The following MAD1L1 variants were observed in gnomAD, a reference collection of about 807,000 sequenced individuals.
MAD1L1 encodes mitotic spindle assembly checkpoint protein MAD1.
MAD1L1 carries 95 observed loss-of-function variants against 96.9 expected under a neutral mutation model. The observed-to-expected ratio is 0.98, with a 90% CI of 0.83 to 1.16. The LOEUF (loss-of-function observed/expected upper bound fraction) is 1.16, where lower values mean the gene tolerates loss of function less well. Ranked by LOEUF, MAD1L1 falls within the 50% of genes most tolerant of loss-of-function variation. The pLI is 0.00. For synonymous variants in MAD1L1, 473 were observed against 396.6 expected, an observed-to-expected ratio of 1.19 and a Z score of -2.29; for missense variants, 1,007 against 954.4, an observed-to-expected ratio of 1.06 and a Z score of -0.73.
chr7:1,949,692 T>C lies in MAD1L1; in HGVS notation c.1596+7937A>G, dbSNP rs527438370. ...CTCTAAAAAGCTGCTCTCATCCGTTTCTCTGCAGATACGCCCAGGAACCAA... is the reference window on the plus strand; with the variant it reads ...CTCTAAAAAGCTGCTCTCATCCGTTCCTCTGCAGATACGCCCAGGAACCAA... On this transcript the variant is annotated intron_variant, in intron 16 of 18. Transcript: ENST00000265854. Among the ~76,000 whole-genome samples, 58 of 152,300 alleles carry C rather than the reference T, an allele frequency of 3.8e-4. 2 individuals carry two copies. The South Asian group carries it at 0.012, about 32-fold the overall frequency.
At chr7:1,924,839 C>A (rs778108169) in intron 17 of MAD1L1, among the ~76,000 whole-genome samples, 1 of 152,036 alleles carries the variant, frequency 6.6e-6, no homozygotes, top group African/African-American at 2.4e-5. Flanking sequence ...GAGAAGCCTA[C>A]GTCGTGGTGA....
At chr7:1,936,202 C>G (rs1778589107) in intron 17 of MAD1L1, among the ~76,000 whole-genome samples, 1 of 152,216 alleles carries the variant, frequency 6.6e-6, no homozygotes, top group Non-Finnish European at 1.5e-5. Flanking sequence ...TTCCAAAGGC[C>G]GTGGGCCTCA....
intron 17 of MAD1L1, among the ~76,000 whole-genome samples, chr7:1,915,447 G>A (rs536185291): frequency 1.9e-4 from 29 of 152,144 alleles, no homozygotes; most frequent in Non-Finnish European, 3.2e-4. Flanking sequence ...AGGGGACGGC[G>A]CAGGCAGAGG....
At chr7:1,825,037 G>A (rs1005585567) in intron 18 of MAD1L1, among the ~76,000 whole-genome samples, 12 of 152,208 alleles carry the variant, frequency 7.9e-5, no homozygotes, top group African/African-American at 2.9e-4. Context: ...TTAACTCGGA[G>A]TGCTGGGACG....
Position 2,222,370 on chromosome 7 carries a change from G to T in MAD1L1, c.471+205C>A, listed in dbSNP as rs118057712. Among the ~76,000 whole-genome samples, 511 of 152,274 alleles carry T rather than the reference G, an allele frequency of 3.4e-3. 3 individuals carry two copies. Among genetic ancestry groups the T allele is most frequent in the African/African-American group, 0.012 (482 of 41,548 alleles). On this transcript the variant is annotated intron_variant, in intron 5 of 18. Coordinates refer to ENST00000265854, the MANE Select transcript of MAD1L1 (RefSeq NM_001013836.2). Reference sequence around the variant, plus strand: ...GCTGGGATTACAGGCGTGAGCCACCGCGCCCGGCCCAAAGTCTCAACTTTT... The same window carrying T: ...GCTGGGATTACAGGCGTGAGCCACCTCGCCCGGCCCAAAGTCTCAACTTTT...
intron 10 of MAD1L1, among the ~76,000 whole-genome samples, chr7:2,206,717 T>A (rs964130095): frequency 3.9e-5 from 6 of 152,270 alleles, no homozygotes; most frequent in African/African-American, 1.4e-4. Flanking sequence ...GTGTAAGCTG[T>A]ATAACTTGTT....
intron 11 of MAD1L1, among the ~76,000 whole-genome samples, chr7:2,135,757 G>A (rs1176784719): frequency 3.3e-5 from 5 of 152,236 alleles, no homozygotes; most frequent in Non-Finnish European, 5.9e-5. Flanking sequence ...TCATGGTGAC[G>A]TGTGTGCACA....
chr7:1,996,845 T>C (rs1353005104), intron 14 of MAD1L1, among the ~76,000 whole-genome samples: 3 of 91,956 alleles, frequency 3.3e-5, no homozygotes, highest in African/African-American at 9.5e-5. Flanking sequence ...CCAAAGTCTA[T>C]AAAATATTAG....
intron 16 of MAD1L1, among the ~76,000 whole-genome samples, chr7:1,952,694 A>G (rs921334032): frequency 1.3e-5 from 2 of 151,938 alleles, no homozygotes; most frequent in African/African-American, 4.8e-5. Context: ...GAAAAGTCCA[A>G]CCCCCTTGCC....
At chr7:1,822,316 A>C (rs34120092) in intron 18 of MAD1L1, among the ~76,000 whole-genome samples, 90,378 of 151,320 alleles carry the variant, frequency 0.6, 27,356 homozygotes, top group Middle Eastern at 0.69. Context: ...CGAAAGGAAT[A>C]AAAAGAATGT....
chr7:2,087,176 G>C (rs1785961507), intron 11 of MAD1L1, among the ~76,000 whole-genome samples: 1 of 152,134 alleles, frequency 6.6e-6, no homozygotes, highest in Admixed American at 6.5e-5. Flanking sequence ...GCTGTGGTGG[G>C]GGATGCTCAG....
At chr7:2,185,760 TG>T (rs1195343455) in intron 10 of MAD1L1, among the ~76,000 whole-genome samples, 4 of 151,758 alleles carry the variant, frequency 2.6e-5, no homozygotes, top group Non-Finnish European at 5.9e-5. Flanking sequence ...ACGGTCAGGG[TG>T]AGGAGAGAAA....
chr7:2,047,212 G>C (rs943980516), intron 12 of MAD1L1, among the ~76,000 whole-genome samples: 2 of 152,180 alleles, frequency 1.3e-5, no homozygotes, highest in Non-Finnish European at 2.9e-5. Context: ...CAGGCAATGA[G>C]AACTGTGGAA....
intron 18 of MAD1L1, among the ~76,000 whole-genome samples, chr7:1,863,216 G>C (rs551932095): frequency 2.0e-5 from 3 of 152,392 alleles, no homozygotes; most frequent in Admixed American, 6.5e-5. Flanking sequence ...CCGAAGACGG[G>C]GTTAGCGGAG....
At chr7:2,017,859 G>A (rs1188036723) in intron 12 of MAD1L1, among the ~76,000 whole-genome samples, 5 of 152,322 alleles carry the variant, frequency 3.3e-5, no homozygotes, top group South Asian at 2.1e-4. Context: ...GGCTGAGACA[G>A]TGGGCAGAAT....
At chr7:1,874,228 G>C (rs1785257636) in intron 18 of MAD1L1, among the ~76,000 whole-genome samples, 2 of 152,176 alleles carry the variant, frequency 1.3e-5, no homozygotes, top group African/African-American at 2.4e-5. Context: ...GTAAGACCCG[G>C]GGTCTCCCAC....
chr7:1,928,569 GGC>G (rs1789235737), intron 17 of MAD1L1, among the ~76,000 whole-genome samples: 1 of 152,244 alleles, frequency 6.6e-6, no homozygotes, highest in Non-Finnish European at 1.5e-5. Flanking sequence ...GGGCCAAACA[GGC>G]ATGGTCCTGC....
In MAD1L1 at chr7:1,846,020, G is replaced by A. The variant is rs577196133; in HGVS notation, c.1999-29792C>T. On this transcript the variant is annotated intron_variant, in intron 18 of 18. Transcript: ENST00000265854. ...ATGGTGCCCGTGACCAGGGAGATGT[G>A]CACATGCGTTCAGCGTCACTGGGGA... 1.4e-4 allele frequency: 21 copies of A among 152,936 alleles called. 1 individual carries two copies. Among genetic ancestry groups the A allele is most frequent in the African/African-American group, 4.6e-4 (19 of 41,590 alleles). The allele number at this position is 152,936 out of a possible 1,614,324, so 9.5% of individuals were successfully genotyped here.
At chr7:1,871,761 C>A (rs1296928929) in intron 18 of MAD1L1, among the ~76,000 whole-genome samples, 1 of 152,164 alleles carries the variant, frequency 6.6e-6, no homozygotes, top group Non-Finnish European at 1.5e-5. Context: ...CCACGCTGAA[C>A]CCAACATACG....
Sources: gnomAD v4.1 joint callset for allele counts (sites outside exome capture counted in the v4.1 genomes callset) on GRCh38, gnomAD v4.1.1 for gene constraint, MANE v1.5 for transcripts, NCBI Gene and HGNC (gene_info 2026-07-23, HGNC 2026-07-21) for gene names.